DLGAP1: variants seen among roughly 807,000 people sequenced by gnomAD.
DLGAP1 encodes DLG associated protein 1, also known as disks large-associated protein 1.
A neutral mutation model predicts 90.8 loss-of-function variants in DLGAP1; 11 were observed. That is an observed-to-expected ratio of 0.12 (90% CI 0.08 to 0.20). The LOEUF (loss-of-function observed/expected upper bound fraction) is 0.20. Ranked by LOEUF, DLGAP1 falls within the 10% of genes least tolerant of loss-of-function variation. The pLI, the probability that DLGAP1 is intolerant of heterozygous loss-of-function variation, is 1.00. For missense variants in DLGAP1, 1,050 were observed against 1,333.8 expected (o/e 0.79, Z 3.31); for synonymous variants, 558 against 540.7 (o/e 1.03, Z -0.44).
rs60176243 is a variant in DLGAP1, at chr18:4,106,031, C to CAAAAAAAAAAAAAA, written c.-159+45135_-159+45148dup. Among the ~76,000 whole-genome samples, 2 of 102,242 alleles carry CAAAAAAAAAAAAAA rather than the reference C, an allele frequency of 2.0e-5. 1 individual carries two copies. Among genetic ancestry groups the CAAAAAAAAAAAAAA allele is most frequent in the Non-Finnish European group, 4.0e-5 (2 of 49,688 alleles). The allele number at this position is 102,242 out of a possible 152,430, so 67.1% of individuals were successfully genotyped here. On this transcript the variant is annotated intron_variant, in intron 2 of 12. Transcript: ENST00000315677. ...TGGGCGACAGAGCGAGGGTCCGTCT[C>CAAAAAAAAAAAAAA]AAAAAAAAAAAAAAAAAAAAAAAAA... is the stretch of plus-strand genomic sequence containing the variant.
intron 2 of DLGAP1, among the ~76,000 whole-genome samples, chr18:4,027,572 G>A (rs918868519): frequency 6.8e-6 from 1 of 146,504 alleles, no homozygotes; most frequent in Admixed American, 6.8e-5. Flanking sequence ...TAAATGAGAC[G>A]GCACACTTAC....
intron 3 of DLGAP1, among the ~76,000 whole-genome samples, chr18:3,947,922 T>A (rs1035761428): frequency 6.6e-6 from 1 of 152,172 alleles, no homozygotes. Context: ...TTGTCTCTGT[T>A]CCAAATAGTG....
At chr18:4,012,371 C>A (rs7245088) in intron 2 of DLGAP1, among the ~76,000 whole-genome samples, 9,376 of 152,184 alleles carry the variant, frequency 0.062, 830 homozygotes, top group African/African-American at 0.19. Flanking sequence ...GCCATCCCCC[C>A]CTCTGCCACT....
chr18:3,745,162 T>C (rs1227536637), intron 5 of DLGAP1, among the ~76,000 whole-genome samples: 1 of 152,150 alleles, frequency 6.6e-6, no homozygotes, highest in Admixed American at 6.5e-5. Context: ...AGGTGAGTGG[T>C]TGACTAGAGC....
chr18:4,112,521 T>G (rs1374392269), intron 2 of DLGAP1, among the ~76,000 whole-genome samples: 1 of 152,162 alleles, frequency 6.6e-6, no homozygotes, highest in Non-Finnish European at 1.5e-5. Context: ...GCTGAAACAT[T>G]TATTATTGTT....
At chr18:3,508,745 C>G in intron 10 of DLGAP1, 84 bp from the exon 11 acceptor site, 1 of 1,138,582 alleles carries the variant, frequency 8.8e-7, no homozygotes, top group Non-Finnish European at 1.3e-6. Flanking sequence ...GGAAGTTATG[C>G]TGTAATAATT....
chr18:4,109,519 T>A (rs1193738063), intron 2 of DLGAP1, among the ~76,000 whole-genome samples: 1 of 151,958 alleles, frequency 6.6e-6, no homozygotes, highest in Non-Finnish European at 1.5e-5. Flanking sequence ...GCTTTGGAGC[T>A]CCTGCTTCAC....
At chr18:3,909,676 C>G (rs939723603) in intron 3 of DLGAP1, among the ~76,000 whole-genome samples, 6 of 152,098 alleles carry the variant, frequency 3.9e-5, no homozygotes, top group Non-Finnish European at 8.8e-5. Flanking sequence ...ACGGAAAATT[C>G]TTTGAACAGC....
At chr18:4,027,729 A>T in intron 2 of DLGAP1, among the ~76,000 whole-genome samples, 1 of 152,124 alleles carries the variant, frequency 6.6e-6, no homozygotes, top group South Asian at 2.1e-4. Context: ...TTTATTTGAG[A>T]TCAACTTAGA....
intron 1 of DLGAP1, among the ~76,000 whole-genome samples, chr18:4,405,528 C>G (rs935121017): frequency 6.6e-6 from 1 of 152,078 alleles, no homozygotes; most frequent in African/African-American, 2.4e-5. Flanking sequence ...TCTTTCTCAG[C>G]AAGTTTGCCA....
intron 2 of DLGAP1, among the ~76,000 whole-genome samples, chr18:4,094,507 A>G (rs2075639822): frequency 1.3e-5 from 2 of 151,838 alleles, no homozygotes; most frequent in Admixed American, 1.3e-4. Flanking sequence ...TGTTTTCTGT[A>G]GAATTGATTC....
intron 2 of DLGAP1, among the ~76,000 whole-genome samples, chr18:4,095,304 C>T (rs891776988): frequency 5.3e-5 from 8 of 152,204 alleles, no homozygotes; most frequent in African/African-American, 1.9e-4. Context: ...CCACCTTCCC[C>T]AATCAGGTAC....
intron 4 of DLGAP1, among the ~76,000 whole-genome samples, chr18:3,837,849 C>CAAAAAAAAAAAAAAA (rs5822770): frequency 1.1e-4 from 3 of 26,798 alleles, no homozygotes; most frequent in Non-Finnish European, 1.9e-4. Flanking sequence ...GAGATTCTGT[C>CAAAAAAAAAAAAAAA]AAAAAAAAAA....
chr18:4,159,937 G>A (rs75679112), intron 1 of DLGAP1, among the ~76,000 whole-genome samples: 2,593 of 152,234 alleles, frequency 0.017, 79 homozygotes, highest in African/African-American at 0.059. Context: ...AAAGGACTCT[G>A]CTGAAATGTT....
At chr18:3,966,920 G>A (rs539991358) in intron 3 of DLGAP1, among the ~76,000 whole-genome samples, 1 of 152,268 alleles carries the variant, frequency 6.6e-6, no homozygotes, top group East Asian at 1.9e-4. Flanking sequence ...AAGGTCATCA[G>A]GAAAAGAGCT....
intron 8 of DLGAP1, chr18:3,580,605 G>A: frequency 1.3e-6 from 2 of 1,588,202 alleles, no homozygotes; most frequent in Non-Finnish European, 1.7e-6. Context: ...AGAGAGAATG[G>A]ACTGGAAGAA....
intron 7 of DLGAP1, among the ~76,000 whole-genome samples, chr18:3,704,460 C>G (rs1369521744): frequency 6.6e-6 from 1 of 151,976 alleles, no homozygotes; most frequent in Non-Finnish European, 1.5e-5. Context: ...ATCCCAGCTA[C>G]TCGGGAGGCT....
At chr18:4,247,758 C>A (rs891376097) in intron 1 of DLGAP1, among the ~76,000 whole-genome samples, 4 of 152,024 alleles carry the variant, frequency 2.6e-5, no homozygotes, top group Non-Finnish European at 5.9e-5. Flanking sequence ...GCCCGGGTGA[C>A]AGAGCAAGAC....
At chr18:4,223,514 G>A (rs7233460) in intron 1 of DLGAP1, among the ~76,000 whole-genome samples, 4,926 of 152,176 alleles carry the variant, frequency 0.032, 275 homozygotes, top group African/African-American at 0.11. Context: ...CAGTATCATC[G>A]CATTTGTTTA....
Sources: gnomAD v4.1 joint callset for allele counts (sites outside exome capture counted in the v4.1 genomes callset) on GRCh38, gnomAD v4.1.1 for gene constraint, MANE v1.5 for transcripts, NCBI Gene and HGNC (gene_info 2026-07-23, HGNC 2026-07-21) for gene names.